ZNF83: variants seen among roughly 807,000 people sequenced by gnomAD.
ZNF83 encodes zinc finger protein 83.
For missense variants in ZNF83, 552 were observed against 629.9 expected, an observed-to-expected ratio of 0.88 and a Z score of 1.32; for synonymous variants, 209 against 213.0, an observed-to-expected ratio of 0.98 and a Z score of 0.17.
intron 1 of ZNF83, among the ~76,000 whole-genome samples, chr19:52,668,514 G>A (rs1002925797): frequency 6.6e-6 from 1 of 152,076 alleles, no homozygotes; most frequent in Non-Finnish European, 1.5e-5. Flanking sequence ...GGATCCTATA[G>A]GCTTCTTTAG....
In ZNF83 at chr19:52,670,571, T is replaced by A. The variant is rs143370206; in HGVS notation, c.-282-9728A>T. Among the ~76,000 whole-genome samples, 425 of 152,362 alleles carry A rather than the reference T, an allele frequency of 2.8e-3. 1 individual carries two copies. Among genetic ancestry groups the A allele is most frequent in the African/African-American group, 9.4e-3 (390 of 41,586 alleles). ...TTTACAACACACTTAAAATGAGTTA[T>A]ATTTGTCATGGAAAAGAGTCAAACT... On this transcript the variant is annotated intron_variant, in intron 1 of 5. Coordinates refer to the ZNF83 transcript ENST00000594682.
intron 2 of ZNF83, among the ~76,000 whole-genome samples, chr19:52,629,803 T>G (rs2060884734): frequency 6.6e-6 from 1 of 152,160 alleles, no homozygotes; most frequent in Non-Finnish European, 1.5e-5. Flanking sequence ...CAAAATACAT[T>G]TTATTACCCA....
exon 3 of ZNF83, chr19:52,612,666 C>A (rs1435000123): frequency 2.8e-5 from 7 of 248,960 alleles, no homozygotes; most frequent in Non-Finnish European, 7.7e-6. Flanking sequence ...TGTTTGAAGT[C>A]ATAATGGTTT....
intron 3 of ZNF83, among the ~76,000 whole-genome samples, chr19:52,645,801 T>G (rs1255297444): frequency 9.0e-6 from 1 of 111,384 alleles, no homozygotes; most frequent in Non-Finnish European, 1.8e-5. Context: ...AGTGAGATTC[T>G]GCCCCCCCCC....
chr19:52,626,221 CTTCCATAGCCTTTCAAATGACAT>C (rs1281812327), intron 2 of ZNF83, among the ~76,000 whole-genome samples: 6 of 152,170 alleles, frequency 3.9e-5, no homozygotes, highest in Non-Finnish European at 8.8e-5. Context: ...CTGTCACGAC[CTTCCATAGCCTTTCAAATGACAT>C]TTCTACTAGC....
At chr19:52,650,111 C>T (rs2061423693) in intron 3 of ZNF83, among the ~76,000 whole-genome samples, 1 of 151,824 alleles carries the variant, frequency 6.6e-6, no homozygotes, top group Non-Finnish European at 1.5e-5. Context: ...AAGAGAATGT[C>T]CTGAGTGGAG....
At chr19:52,632,293 A>G (rs1003142289) in intron 2 of ZNF83, among the ~76,000 whole-genome samples, 54 of 152,218 alleles carry the variant, frequency 3.5e-4, no homozygotes, top group African/African-American at 1.3e-3. Flanking sequence ...TTTTAAAAAC[A>G]CACCTCACCA....
At chr19:52,675,707 A>AG (rs1310394762) in intron 1 of ZNF83, among the ~76,000 whole-genome samples, 1 of 147,690 alleles carries the variant, frequency 6.8e-6, no homozygotes, top group Non-Finnish European at 1.5e-5. Context: ...CAGGAAAGGA[A>AG]GGGCAAGGGT....
intron 2 of ZNF83, among the ~76,000 whole-genome samples, chr19:52,620,571 G>A (rs1327365981): frequency 6.6e-6 from 1 of 152,142 alleles, no homozygotes; most frequent in Non-Finnish European, 1.5e-5. Context: ...CATCAAAGAG[G>A]AAGGTAGCCA....
Position 52,687,633 on chromosome 19 carries a change from G to GTGTATATATA in ZNF83, c.-283+2809_-283+2810insTATATATACA, listed in dbSNP as rs1555792757. ...TATAATGTGTATATATATATATAAT[G>GTGTATATATA]TATATATATATATATATATATATAA... On this transcript the variant is annotated intron_variant, in intron 1 of 5. Transcript: ENST00000594682. 2.5e-4 allele frequency among the ~76,000 whole-genome samples: 7 copies of GTGTATATATA among 27,846 alleles called. 2 individuals are homozygous for GTGTATATATA. Among genetic ancestry groups the GTGTATATATA allele is most frequent in the African/African-American group, 2.2e-3 (7 of 3,234 alleles). The allele number at this position is 27,846 out of a possible 152,430, so 18.3% of individuals were successfully genotyped here.
At chr19:52,621,190 C>T (rs961518405) in intron 2 of ZNF83, among the ~76,000 whole-genome samples, 3 of 152,196 alleles carry the variant, frequency 2.0e-5, no homozygotes, top group African/African-American at 4.8e-5. Context: ...GCTCCAGCTA[C>T]GACCTCAGGT....
intron 2 of ZNF83, among the ~76,000 whole-genome samples, chr19:52,629,198 C>T (rs1175319283): frequency 6.6e-6 from 1 of 152,130 alleles, no homozygotes; most frequent in Non-Finnish European, 1.5e-5. Flanking sequence ...GAAAACAGCA[C>T]TTTCAATTTT....
chr19:52,637,298 A>C (rs895124317), intron 1 of ZNF83, among the ~76,000 whole-genome samples: 5 of 151,812 alleles, frequency 3.3e-5, no homozygotes, highest in Non-Finnish European at 4.4e-5. Context: ...TGTCCCCAAT[A>C]TGTGGAACCA....
chr19:52,666,372 C>T (rs375785639), intron 1 of ZNF83, among the ~76,000 whole-genome samples: 2 of 152,114 alleles, frequency 1.3e-5, no homozygotes, highest in African/African-American at 4.8e-5. Context: ...AAGGTCTTCT[C>T]CATGACCCTA....
chr19:52,683,986 T>C (rs1002244396), intron 1 of ZNF83, among the ~76,000 whole-genome samples: 6 of 152,090 alleles, frequency 3.9e-5, no homozygotes, highest in African/African-American at 1.4e-4. Context: ...GCAATTCCAG[T>C]ACACCGGGAG....
At chr19:52,652,843 C>A in intron 3 of ZNF83, 1 of 959,076 alleles carries the variant, frequency 1.0e-6, no homozygotes. Flanking sequence ...TCTATGATGG[C>A]ATACAAAGGA....
chr19:52,676,179 C>T (rs1331118862), intron 1 of ZNF83, among the ~76,000 whole-genome samples: 1 of 152,186 alleles, frequency 6.6e-6, no homozygotes, highest in Non-Finnish European at 1.5e-5. Context: ...GACGGGGTTT[C>T]GCTGTGTTGG....
chr19:52,625,071 A>C (rs1047675662), intron 2 of ZNF83, among the ~76,000 whole-genome samples: 3 of 150,954 alleles, frequency 2.0e-5, no homozygotes, highest in Non-Finnish European at 4.4e-5. Flanking sequence ...TCCTGATCAC[A>C]TTTGGTTTAT....
chr19:52,664,370 G>A (rs1198559713), intron 1 of ZNF83, among the ~76,000 whole-genome samples: 2 of 151,942 alleles, frequency 1.3e-5, no homozygotes, highest in African/African-American at 4.8e-5. Flanking sequence ...GTGGCATGTA[G>A]CTGTGGTCCC....
Sources: gnomAD v4.1 joint callset for allele counts (sites outside exome capture counted in the v4.1 genomes callset) on GRCh38, gnomAD v4.1.1 for gene constraint, MANE v1.5 for transcripts, NCBI Gene and HGNC (gene_info 2026-07-23, HGNC 2026-07-21) for gene names.